Variants in PDE1C observed in about 807,000 individuals in gnomAD.
PDE1C encodes dual specificity calcium/calmodulin-dependent 3',5'-cyclic nucleotide phosphodiesterase 1C.
In PDE1C, 62 loss-of-function variants were observed where a neutral mutation model predicts 93.1. That is an observed-to-expected ratio of 0.67 (90% CI 0.54 to 0.82). The LOEUF is 0.82. Ranked by LOEUF, PDE1C falls within the 40% of genes least tolerant of loss-of-function variation. The pLI is 0.00. For synonymous variants in PDE1C, 325 were observed against 310.1 expected (o/e 1.05, Z -0.50); for missense variants, 742 against 884.6 (o/e 0.84, Z 2.04).
intron 1 of PDE1C, among the ~76,000 whole-genome samples, chr7:32,414,038 C>A (rs1432687582): frequency 1.3e-5 from 2 of 151,694 alleles, no homozygotes; most frequent in Non-Finnish European, 2.9e-5. Context: ...CATAGTGAGA[C>A]CCCATCTTTA....
intron 1 of PDE1C, among the ~76,000 whole-genome samples, chr7:32,372,706 T>A (rs1454396278): frequency 6.6e-6 from 1 of 152,072 alleles, no homozygotes; most frequent in Non-Finnish European, 1.5e-5. Flanking sequence ...TATTTACAAA[T>A]CACACATCTG....
chr7:32,129,695 T>C (rs2128770552), intron 3 of PDE1C, among the ~76,000 whole-genome samples: 1 of 152,162 alleles, frequency 6.6e-6, no homozygotes, highest in East Asian at 1.9e-4. Context: ...TTGCAAGTAC[T>C]TTCAAGTCAC....
chr7:32,168,144 G>T (rs889865943), intron 3 of PDE1C, among the ~76,000 whole-genome samples: 5 of 152,184 alleles, frequency 3.3e-5, no homozygotes, highest in Non-Finnish European at 7.3e-5. Flanking sequence ...AATTGCTAAA[G>T]GGTTGGCATA....
chr7:32,199,293 G>T (rs908536877), intron 2 of PDE1C, among the ~76,000 whole-genome samples: 1 of 151,700 alleles, frequency 6.6e-6, no homozygotes, highest in African/African-American at 2.4e-5. Context: ...ATTGAAACTG[G>T]GTACAATTCA....
chr7:32,404,480 G>A (rs536037030), intron 1 of PDE1C, among the ~76,000 whole-genome samples: 55 of 39,794 alleles, frequency 1.4e-3, no homozygotes, highest in African/African-American at 1.9e-3. Flanking sequence ...CTGCCTCCTG[G>A]GTAGCTGGGA....
intron 2 of PDE1C, among the ~76,000 whole-genome samples, chr7:31,893,276 T>C (rs889124745): frequency 6.6e-6 from 1 of 152,194 alleles, no homozygotes; most frequent in African/African-American, 2.4e-5. Flanking sequence ...TCAATGTAAT[T>C]ACCATTCAAT....
At chr7:32,297,997 CCTCTCTCTCTCTCTCTCT>C (rs1166716211) in intron 1 of PDE1C, among the ~76,000 whole-genome samples, 1 of 7,862 alleles carries the variant, frequency 1.3e-4, no homozygotes, top group South Asian at 5.7e-3. Context: ...CTCTCTCTCT[CCTCTCTCTCTCTCTCTCT>C]CCCTCTCTCT....
chr7:31,731,667 C>T, the PDE1C span, among the ~76,000 whole-genome samples: 13 of 152,220 alleles, frequency 8.5e-5, no homozygotes, highest in East Asian at 1.9e-4. Context: ...AGATGACAGG[C>T]GTGAGCCACT....
At chr7:31,819,722 T>C (rs1788723445) in intron 14 of PDE1C, among the ~76,000 whole-genome samples, 1 of 152,104 alleles carries the variant, frequency 6.6e-6, no homozygotes, top group South Asian at 2.1e-4. Context: ...TTTGGGGAAA[T>C]ACATTGATTT....
intron 1 of PDE1C, among the ~76,000 whole-genome samples, chr7:32,067,880 T>A (rs542242538): frequency 3.3e-5 from 5 of 152,324 alleles, no homozygotes; most frequent in African/African-American, 1.2e-4. Context: ...GCATCTACTA[T>A]GTGCTAAATG....
At chr7:32,349,793 C>T (rs111938470) in intron 1 of PDE1C, among the ~76,000 whole-genome samples, 1 of 152,096 alleles carries the variant, frequency 6.6e-6, no homozygotes, top group Non-Finnish European at 1.5e-5. Context: ...CCACACCCAG[C>T]TAATTTTTGT....
At chr7:32,266,734 AC>A (rs1481747148) in intron 1 of PDE1C, among the ~76,000 whole-genome samples, 1 of 152,130 alleles carries the variant, frequency 6.6e-6, no homozygotes, top group Admixed American at 6.5e-5. Flanking sequence ...AGAGACCTGA[AC>A]CAGGAGCTGG....
intron 2 of PDE1C, among the ~76,000 whole-genome samples, chr7:32,019,150 T>TAA (rs75146295): frequency 2.1e-4 from 25 of 118,830 alleles, no homozygotes; most frequent in African/African-American, 5.9e-4. Flanking sequence ...TATGTTGTTT[T>TAA]AAAAAAAAAA....
intron 1 of PDE1C, among the ~76,000 whole-genome samples, chr7:32,274,288 G>A (rs578056457): frequency 4.7e-4 from 70 of 150,134 alleles, no homozygotes; most frequent in African/African-American, 1.7e-3. Flanking sequence ...GCTCACTGCA[G>A]CCTTGAACTC....
chr7:31,939,179 T>G (rs1169854741), intron 2 of PDE1C, among the ~76,000 whole-genome samples: 2 of 152,088 alleles, frequency 1.3e-5, no homozygotes, highest in African/African-American at 4.8e-5. Context: ...TAAAAATTCA[T>G]GTAGAAGAAT....
chr7:31,750,317 G>A (rs1794095361), downstream of PDE1C, among the ~76,000 whole-genome samples: 1 of 152,156 alleles, frequency 6.6e-6, no homozygotes, highest in Admixed American at 6.5e-5. Context: ...TGGGGATACA[G>A]GTGGAGAAAT....
At chr7:31,878,210 T>C (rs1796829808) in intron 4 of PDE1C, among the ~76,000 whole-genome samples, 174 bp from the exon 5 acceptor site, 1 of 152,100 alleles carries the variant, frequency 6.6e-6, no homozygotes, top group South Asian at 2.1e-4. Context: ...AAGTGTTAAA[T>C]TCAAAAGAAA....
chr7:32,396,750 A>C (rs573396658), intron 1 of PDE1C, among the ~76,000 whole-genome samples: 7 of 152,364 alleles, frequency 4.6e-5, no homozygotes, highest in African/African-American at 1.4e-4. Flanking sequence ...TGGTGCCAAA[A>C]AAATAAAAAC....
chr7:32,294,750 C>T (rs191310663), intron 1 of PDE1C, among the ~76,000 whole-genome samples: 2 of 152,322 alleles, frequency 1.3e-5, no homozygotes, highest in East Asian at 1.9e-4. Context: ...ACTGCACCTA[C>T]GCATCCCAAT....
Sources: gnomAD v4.1 joint callset for allele counts (sites outside exome capture counted in the v4.1 genomes callset) on GRCh38, gnomAD v4.1.1 for gene constraint, MANE v1.5 for transcripts, NCBI Gene and HGNC (gene_info 2026-07-23, HGNC 2026-07-21) for gene names.